Variants in S100Z observed in about 807,000 individuals in gnomAD.
S100Z encodes protein S100-Z.
Under a neutral mutation model 8.5 loss-of-function variants are expected in S100Z, and 11 were observed. The ratio of observed to expected loss-of-function variants is 1.30; its 90% CI spans 0.82 to 2.15. The LOEUF (loss-of-function observed/expected upper bound fraction) is 2.15. Ranked by LOEUF, S100Z falls within the 30% of genes most tolerant of loss-of-function variation. The pLI, the probability that S100Z is intolerant of heterozygous loss-of-function variation, is 0.00. For synonymous variants in S100Z, 34 were observed against 43.8 expected, an observed-to-expected ratio of 0.78 and a Z score of 0.89; for missense variants, 126 against 117.9, an observed-to-expected ratio of 1.07 and a Z score of -0.32.
At chr5:76,915,439 TA>T (rs1194447950) in intron 4 of S100Z, among the ~76,000 whole-genome samples, 1 of 150,090 alleles carries the variant, frequency 6.7e-6, no homozygotes, top group Non-Finnish European at 1.5e-5. Flanking sequence ...CCCTCTCCAC[TA>T]AAAAAAATAC....
intron 4 of S100Z, among the ~76,000 whole-genome samples, chr5:76,910,953 G>T (rs1744632380): frequency 6.6e-6 from 1 of 152,184 alleles, no homozygotes; most frequent in Non-Finnish European, 1.5e-5. Context: ...ATGCCTGAAA[G>T]TCCCACACCC....
intron 1 of S100Z, among the ~76,000 whole-genome samples, chr5:76,869,937 T>G (rs1742947830): frequency 6.6e-6 from 1 of 151,710 alleles, no homozygotes; most frequent in Non-Finnish European, 1.5e-5. Flanking sequence ...GAAGGAGAAT[T>G]GCTTGAACCC....
At chr5:76,852,583 A>T (rs992900723) in intron 1 of S100Z, among the ~76,000 whole-genome samples, 1 of 152,096 alleles carries the variant, frequency 6.6e-6, no homozygotes, top group Non-Finnish European at 1.5e-5. Context: ...GGTGGTGCAC[A>T]CCTGTAATCC....
At chr5:76,859,327 A>G (rs145496539) in intron 1 of S100Z, among the ~76,000 whole-genome samples, 1 of 152,288 alleles carries the variant, frequency 6.6e-6, no homozygotes, top group African/African-American at 2.4e-5. Context: ...CCACACAACT[A>G]TGTCTGAACT....
At chr5:76,881,221 G>C (rs1442293912) in intron 4 of S100Z, among the ~76,000 whole-genome samples, 1 of 152,152 alleles carries the variant, frequency 6.6e-6, no homozygotes, top group African/African-American at 2.4e-5. Context: ...TGGGTGATTT[G>C]ACTAATAAAG....
the S100Z span, among the ~76,000 whole-genome samples, chr5:76,948,624 C>G: frequency 6.6e-6 from 1 of 151,942 alleles, no homozygotes; most frequent in Non-Finnish European, 1.5e-5. Context: ...AAATCCACGA[C>G]GAGACATCAC....
intron 1 of S100Z, among the ~76,000 whole-genome samples, chr5:76,859,746 A>G (rs1367694196): frequency 7.4e-6 from 1 of 135,050 alleles, no homozygotes; most frequent in African/African-American, 2.7e-5. Context: ...GCGCCACTGC[A>G]CTACAGCCAG....
chr5:76,906,974 GTGTATATATATATATATATATATATATA>G (rs1316455168), intron 4 of S100Z, among the ~76,000 whole-genome samples: 4 of 114,718 alleles, frequency 3.5e-5, no homozygotes, highest in East Asian at 4.6e-4. Flanking sequence ...CATTGTGTGT[GTGTATATATATATATATATATATATATA>G]TATATATATA....
intron 1 of S100Z, among the ~76,000 whole-genome samples, chr5:76,866,438 A>G (rs778771171): frequency 8.5e-5 from 13 of 152,168 alleles, no homozygotes; most frequent in Admixed American, 6.5e-5. Context: ...AATGTTTATG[A>G]AGGCTATAGC....
At chr5:76,905,706 C>T (rs1263699919) in intron 4 of S100Z, among the ~76,000 whole-genome samples, 1 of 152,184 alleles carries the variant, frequency 6.6e-6, no homozygotes, top group African/African-American at 2.4e-5. Context: ...ACCACCGTGC[C>T]TGGCCATTTT....
intron 4 of S100Z, among the ~76,000 whole-genome samples, chr5:76,903,853 T>A (rs1744320974): frequency 6.6e-6 from 1 of 151,674 alleles, no homozygotes; most frequent in Non-Finnish European, 1.5e-5. Context: ...GCCCCCCAAG[T>A]AGCTGGGATT....
intron 1 of S100Z, 72 bp from the exon 2 acceptor site, chr5:76,870,094 G>A (rs916458139): frequency 1.3e-5 from 2 of 152,066 alleles, no homozygotes; most frequent in Non-Finnish European, 2.9e-5. Flanking sequence ...CTGAGGGGAT[G>A]AGTTTTGCTT....
chr5:76,916,160 CAAAA>C (rs60866296), intron 4 of S100Z, among the ~76,000 whole-genome samples: 2 of 66,844 alleles, frequency 3.0e-5, no homozygotes, highest in East Asian at 5.7e-4. Context: ...GACTCCATCT[CAAAA>C]AAAAAAAAAA....
chr5:76,927,021 CTG>C, the S100Z span, among the ~76,000 whole-genome samples: 2 of 152,196 alleles, frequency 1.3e-5, no homozygotes, highest in Admixed American at 6.5e-5. Context: ...CCAATTCAGT[CTG>C]TGATTCTTTC....
chr5:76,892,659 A>C (rs1743903671), intron 4 of S100Z, among the ~76,000 whole-genome samples: 1 of 152,064 alleles, frequency 6.6e-6, no homozygotes, highest in Admixed American at 6.5e-5. Context: ...AGAAAGAAAA[A>C]AAAAGGCAGG....
the S100Z span, among the ~76,000 whole-genome samples, chr5:76,946,892 C>A: frequency 6.6e-6 from 1 of 152,110 alleles, no homozygotes; most frequent in South Asian, 2.1e-4. Context: ...TTTGCGGAAA[C>A]CTATCATTTT....
the S100Z span, among the ~76,000 whole-genome samples, chr5:76,939,885 C>T: frequency 0.4 from 60,499 of 151,680 alleles, 14,033 homozygotes; most frequent in South Asian, 0.65. Flanking sequence ...CTGGGCCAGG[C>T]GCGGTGGCTC....
At chr5:76,858,756 A>G (rs1318464298) in intron 1 of S100Z, among the ~76,000 whole-genome samples, 1 of 152,238 alleles carries the variant, frequency 6.6e-6, no homozygotes, top group East Asian at 1.9e-4. Flanking sequence ...GAGAGATGAT[A>G]CAAAAGAAAC....
the S100Z span, among the ~76,000 whole-genome samples, chr5:76,931,651 A>G: frequency 6.6e-6 from 1 of 152,190 alleles, no homozygotes; most frequent in Non-Finnish European, 1.5e-5. Context: ...GAAGTGCTAT[A>G]GAAAAGACCA....
Sources: gnomAD v4.1 joint callset for allele counts (sites outside exome capture counted in the v4.1 genomes callset) on GRCh38, gnomAD v4.1.1 for gene constraint, MANE v1.5 for transcripts, NCBI Gene and HGNC (gene_info 2026-07-23, HGNC 2026-07-21) for gene names.